HIBADH: variants seen among roughly 807,000 people sequenced by gnomAD.
HIBADH encodes the protein 3-hydroxyisobutyrate dehydrogenase, mitochondrial.
A neutral mutation model predicts 36.1 loss-of-function variants in HIBADH; 25 were observed. That is an observed-to-expected ratio of 0.69 (90% CI 0.50 to 0.97). HIBADH has a LOEUF of 0.97. Ranked by LOEUF, HIBADH falls within the 50% of genes least tolerant of loss-of-function variation. The pLI, the probability that HIBADH is intolerant of heterozygous loss-of-function variation, is 0.00. For missense variants in HIBADH, 421 were observed against 418.0 expected, an observed-to-expected ratio of 1.01 and a Z score of -0.06; for synonymous variants, 160 against 149.5, an observed-to-expected ratio of 1.07 and a Z score of -0.51.
At chr7:27,600,776 G>GT (rs1453651137) in intron 4 of HIBADH, among the ~76,000 whole-genome samples, 2 of 152,066 alleles carry the variant, frequency 1.3e-5, no homozygotes, top group Non-Finnish European at 2.9e-5. Context: ...CTAAGCTATA[G>GT]TAACAAAAAT....
At chr7:27,529,217 C>T (rs1392760357) in intron 7 of HIBADH, among the ~76,000 whole-genome samples, 1 of 152,196 alleles carries the variant, frequency 6.6e-6, no homozygotes. Flanking sequence ...GTTTTCATGT[C>T]TATGAACACA....
At chr7:27,544,065 G>A (rs983866660) in intron 4 of HIBADH, among the ~76,000 whole-genome samples, 1 of 152,146 alleles carries the variant, frequency 6.6e-6, no homozygotes, top group African/African-American at 2.4e-5. Context: ...GCAAGTATGT[G>A]GAAGAACTTA....
At chr7:27,635,252 C>T (rs1469942686) in intron 2 of HIBADH, among the ~76,000 whole-genome samples, 15 of 152,276 alleles carry the variant, frequency 9.9e-5, no homozygotes, top group Admixed American at 5.2e-4. Flanking sequence ...CTGGCCACAA[C>T]TCAAAAGCTG....
chr7:27,660,410 T>C (rs929757683), intron 1 of HIBADH, among the ~76,000 whole-genome samples: 1 of 152,234 alleles, frequency 6.6e-6, no homozygotes, highest in Non-Finnish European at 1.5e-5. Context: ...ACGCCTGTAA[T>C]CCCAGCACTC....
chr7:27,616,408 G>A (rs1054808431), intron 4 of HIBADH, among the ~76,000 whole-genome samples: 3 of 152,174 alleles, frequency 2.0e-5, no homozygotes, highest in Admixed American at 6.5e-5. Flanking sequence ...ATGAGTGAAT[G>A]TGAAGGCTTA....
chr7:27,612,779 T>A (rs183360784), intron 4 of HIBADH, among the ~76,000 whole-genome samples: 2 of 147,998 alleles, frequency 1.4e-5, no homozygotes, highest in African/African-American at 2.5e-5. Context: ...ACAAAAAAAA[T>A]TTAAAAATTA....
intron 1 of HIBADH, among the ~76,000 whole-genome samples, chr7:27,655,137 G>A (rs888570326): frequency 6.6e-6 from 1 of 152,070 alleles, no homozygotes; most frequent in African/African-American, 2.4e-5. Context: ...AAACAAACAA[G>A]AGAAGACAGT....
intron 4 of HIBADH, among the ~76,000 whole-genome samples, chr7:27,576,570 T>C (rs1339619683): frequency 6.6e-6 from 1 of 152,232 alleles, no homozygotes. Flanking sequence ...CAATGCTATA[T>C]TGTTTCTCTT....
intron 4 of HIBADH, among the ~76,000 whole-genome samples, chr7:27,603,800 T>C (rs1562639558): frequency 1.3e-5 from 2 of 152,114 alleles, no homozygotes; most frequent in African/African-American, 4.8e-5. Context: ...ATGCAAAGAC[T>C]CCCCAGTGTG....
At chr7:27,558,427 G>A (rs914726278) in intron 4 of HIBADH, among the ~76,000 whole-genome samples, 12 of 151,996 alleles carry the variant, frequency 7.9e-5, no homozygotes, top group Non-Finnish European at 1.3e-4. Context: ...TCCCAGGCTC[G>A]AGCAATCCTC....
intron 4 of HIBADH, among the ~76,000 whole-genome samples, chr7:27,562,906 CTTTT>C (rs929130617): frequency 3.3e-5 from 5 of 152,054 alleles, no homozygotes; most frequent in Non-Finnish European, 5.9e-5. Context: ...ATCATCATTC[CTTTT>C]TTTATTTTGA....
rs535660849 is a variant in HIBADH, at chr7:27,653,953, T to A, written c.92-4320A>T. ...AAAGTCAAAAAGTCAAAACCAACCC[T>A]AAGCTGAAACAGATGTTAGAATTAG... is the stretch of plus-strand genomic sequence containing the variant. On this transcript the variant is annotated intron_variant, in intron 1 of 7. Transcript: ENST00000265395. Among the ~76,000 whole-genome samples the A allele has an allele frequency of 5.3e-5, 8 of 152,260 alleles. No homozygotes were observed. The East Asian group carries it at 1.5e-3, about 29-fold the overall frequency.
chr7:27,655,734 G>GA lies in HIBADH; in HGVS notation c.92-6102dup, dbSNP rs534048636. Among the ~76,000 whole-genome samples, 13 of 106,256 alleles carry GA rather than the reference G, an allele frequency of 1.2e-4. No homozygotes were observed. In the East Asian group the frequency reaches 3.9e-3, roughly 32 times the overall value. The allele number at this position is 106,256 out of a possible 152,430, so 69.7% of individuals were successfully genotyped here. ...AGGCAAAAATCACAAAATGACAACAGAAAATATGTAAATTACCCCCCAGAA... is the reference window on the plus strand; with the variant it reads ...AGGCAAAAATCACAAAATGACAACAGAAAAATATGTAAATTACCCCCCAGAA... On this transcript the variant is annotated intron_variant, in intron 1 of 7. Coordinates refer to ENST00000265395, the MANE Select transcript of HIBADH (RefSeq NM_152740.4).
chr7:27,545,970 G>A (rs1015242554), intron 4 of HIBADH, among the ~76,000 whole-genome samples: 8 of 152,312 alleles, frequency 5.3e-5, no homozygotes, highest in Non-Finnish European at 1.0e-4. Context: ...TTGTTTTGGG[G>A]ATGTGCCACT....
At chr7:27,660,459 A>G (rs371136055) in intron 1 of HIBADH, among the ~76,000 whole-genome samples, 3 of 152,212 alleles carry the variant, frequency 2.0e-5, no homozygotes, top group Non-Finnish European at 4.4e-5. Context: ...GTCAAGTGAT[A>G]GAGACCATCC....
intron 7 of HIBADH, among the ~76,000 whole-genome samples, chr7:27,527,056 GACA>G (rs1213088302): frequency 3.4e-5 from 2 of 58,362 alleles, no homozygotes; most frequent in African/African-American, 1.6e-4. Context: ...CATCCTGGCA[GACA>G]ATGTGACAGC....
rs1315766289 is a variant in HIBADH at position 27,632,246 on chromosome 7, C to A, written c.362+90G>T. 6.7e-6 allele frequency: 6 copies of A among 889,038 alleles called. No individual in the cohort carries two copies. The East Asian group carries it at 1.5e-4, about 22-fold the overall frequency. The allele number at this position is 889,038 out of a possible 1,614,324, so 55.1% of individuals were successfully genotyped here. ...ATAAAAACAGTATAGAAAGGTTTAA[C>A]AAACACAATTGTAATTTCCTAATAG... On this transcript the variant is annotated intron_variant, in intron 3 of 7. Coordinates refer to ENST00000265395, the MANE Select transcript of HIBADH (RefSeq NM_152740.4).
chr7:27,629,669 T>C (rs149211914), intron 3 of HIBADH, among the ~76,000 whole-genome samples, 177 bp from the exon 4 acceptor site: 5 of 152,194 alleles, frequency 3.3e-5, no homozygotes, highest in Middle Eastern at 3.4e-3. Context: ...TTGAGACCAA[T>C]TGTACTTCAA....
chr7:27,550,043 G>A lies in HIBADH; in HGVS notation c.485-6943C>T, dbSNP rs1784296857. On this transcript the variant is annotated intron_variant, in intron 4 of 7. Transcript: ENST00000265395. ...CTGCCTCAGCCTCCCGAGTAGCTGG[G>A]ACTATGGGCGCGTGCCACCACACCT... 2.0e-5 allele frequency among the ~76,000 whole-genome samples: 3 copies of A among 152,174 alleles called. No homozygotes were observed. The South Asian group carries it at 6.2e-4, about 32-fold the overall frequency.
Sources: allele counts gnomAD v4.1 joint callset (sites outside exome capture counted in the v4.1 genomes callset), GRCh38; gene constraint gnomAD v4.1.1; transcripts MANE v1.5; gene names NCBI Gene and HGNC (gene_info 2026-07-23, HGNC 2026-07-21).